Variants in PON1 observed in about 807,000 individuals in gnomAD.
PON1 encodes serum paraoxonase/arylesterase 1.
PON1 carries 37 observed loss-of-function variants against 39.2 expected under a neutral mutation model. The observed-to-expected ratio is 0.94, with a 90% CI of 0.73 to 1.24. The LOEUF is 1.24. PON1 is among the 50% of genes most tolerant of loss of function. The pLI is 0.00. For synonymous variants in PON1, 148 were observed against 152.2 expected (o/e 0.97, Z 0.21); for missense variants, 397 against 413.5 (o/e 0.96, Z 0.35).
chr7:95,322,399 C>T (rs1478702362), intron 1 of PON1, among the ~76,000 whole-genome samples: 7 of 149,872 alleles, frequency 4.7e-5, no homozygotes, highest in East Asian at 1.9e-4. Context: ...CCCTAATTTT[C>T]GGGTGGAGAA....
intron 7 of PON1, among the ~76,000 whole-genome samples, chr7:95,303,268 A>G (rs1807471559): frequency 6.6e-6 from 1 of 152,186 alleles, no homozygotes. Flanking sequence ...AGAGGGCTCA[A>G]GCATCATGGC....
In PON1 at chr7:95,308,079, T is replaced by C. The variant is rs777303791; in HGVS notation, c.630A>G (p.Pro210=). The C allele has an allele frequency of 6.2e-7, 1 of 1,614,092 alleles. No individual in the cohort carries two copies. The highest frequency in any genetic ancestry group is 8.5e-7 in the Non-Finnish European group (1 of 1,180,010). Residue 210 remains proline, a synonymous_variant, in exon 6 of 9, where the codon CCA becomes CCG. Coordinates refer to ENST00000222381, the MANE Select transcript of PON1 (RefSeq NM_000446.7). ...LAWSYVVYYS[P]SEVRVVAEGF... is the part of the protein sequence containing the mutation. Reference sequence around the variant, plus strand: ...CTTCTGCCACCACTCGAACTTCACTTGGACTATAGTAGACAACATACGACC... The same window carrying C: ...CTTCTGCCACCACTCGAACTTCACTCGGACTATAGTAGACAACATACGACC...
Position 95,311,592 on chromosome 7 carries a change from A to G in PON1, c.371-15T>C. 6.2e-7 allele frequency: 1 copy of G among 1,614,012 alleles called. No individual in the cohort carries two copies. The highest frequency in any genetic ancestry group is 8.5e-7 in the Non-Finnish European group (1 of 1,179,926). ...CATGGCATTATCTGAGAGGAGATTA[A>G]AAACAAAAATGAAACATTAACTAAG... On this transcript the variant is annotated splice_polypyrimidine_tract_variant and intron_variant, in intron 4 of 8. Coordinates refer to ENST00000222381, the MANE Select transcript of PON1 (RefSeq NM_000446.7).
chr7:95,306,926 A>C (rs1807553590), intron 6 of PON1, among the ~76,000 whole-genome samples: 1 of 152,030 alleles, frequency 6.6e-6, no homozygotes, highest in African/African-American at 2.4e-5. Context: ...CCCCCCAACA[A>C]AAAAAAGAAA....
intron 4 of PON1, among the ~76,000 whole-genome samples, chr7:95,311,966 C>A (rs1268455636): frequency 6.6e-6 from 1 of 152,100 alleles, no homozygotes; most frequent in East Asian, 1.9e-4. Context: ...GTGTAATTTA[C>A]ACAGTGTGAG....
chr7:95,316,266 GT>G (rs1346235142), intron 3 of PON1, among the ~76,000 whole-genome samples: 2 of 152,140 alleles, frequency 1.3e-5, no homozygotes, highest in African/African-American at 4.8e-5. Context: ...GGTGGATTCT[GT>G]CTTCAAAGCT....
intron 1 of PON1, among the ~76,000 whole-genome samples, chr7:95,321,654 T>C (rs1563601763): frequency 6.6e-6 from 1 of 152,126 alleles, no homozygotes; most frequent in Admixed American, 6.5e-5. Context: ...GAGGGTAGAG[T>C]TGGGATTTGA....
In PON1 at chr7:95,297,947, T is replaced by TAA. The variant is rs1306077359; in HGVS notation, c.*995_*996dup. 1 of 152,206 alleles carries TAA rather than the reference T, an allele frequency of 6.6e-6. No homozygotes were observed. Among genetic ancestry groups the TAA allele is most frequent in the Non-Finnish European group, 1.5e-5 (1 of 68,032 alleles). The allele number at this position is 152,206 out of a possible 1,614,324, so 9.4% of individuals were successfully genotyped here. On this transcript the variant is annotated 3_prime_UTR_variant, in exon 9 of 9. Coordinates refer to ENST00000222381, the MANE Select transcript of PON1 (RefSeq NM_000446.7). ...TATATCAGTTTCTATAACAAAATGA[T>TAA]AAAGTCATGTTTTCTTCCTAGTCAT...
At chr7:95,321,095 T>C (rs1036542328) in intron 1 of PON1, among the ~76,000 whole-genome samples, 10 of 152,160 alleles carry the variant, frequency 6.6e-5, no homozygotes, top group Non-Finnish European at 1.2e-4. Context: ...GATCATGGGA[T>C]GAGAGAGAAT....
intron 8 of PON1, 82 bp downstream of exon 8, chr7:95,302,123 C>CAAAAAA (rs1198986302): frequency 2.2e-6 from 1 of 460,342 alleles, no homozygotes; most frequent in African/African-American, 3.9e-5. Flanking sequence ...AAAAAAAAAC[C>CAAAAAA]AAGAATTGAG....
At chr7:95,312,041 A>G (rs1392603634) in intron 4 of PON1, among the ~76,000 whole-genome samples, 2 of 152,242 alleles carry the variant, frequency 1.3e-5, no homozygotes, top group African/African-American at 2.4e-5. Context: ...GCTTCCTTGG[A>G]TAAGTGGGAC....
intron 4 of PON1, among the ~76,000 whole-genome samples, chr7:95,313,805 G>C (rs192382627): frequency 2.0e-5 from 3 of 152,060 alleles, no homozygotes. Flanking sequence ...AAAAGAAGAA[G>C]AATAATAATA....
chr7:95,303,086 T>C (rs1293685168), intron 7 of PON1, among the ~76,000 whole-genome samples: 1 of 152,172 alleles, frequency 6.6e-6, no homozygotes, highest in East Asian at 1.9e-4. Context: ...AGAAATAATA[T>C]CTACCATGTA....
Position 95,311,522 on chromosome 7 carries a change from C to T in PON1, c.426G>A (p.Glu142=), listed in dbSNP as rs1315183120. 3 of 1,613,958 alleles carry T rather than the reference C, an allele frequency of 1.9e-6. No individual in the cohort carries two copies. The highest frequency in any genetic ancestry group is 2.5e-6 in the Non-Finnish European group (3 of 1,179,844). Residue 142 remains glutamate, a synonymous_variant, in exon 5 of 9, where the codon GAG becomes GAA. Transcript: ENST00000222381. The stretch of plus-strand genomic sequence containing the variant: ...TTTCTTCTTCTTGAAATTTAAACAA[C>T]TCCACTGTGGACTTGGCATCTGGAT... ...VNHPDAKSTV[E]LFKFQEEEKS... is the part of the protein sequence containing the mutation.
At chr7:95,317,091 G>A (rs900881353) in intron 2 of PON1, among the ~76,000 whole-genome samples, 4 of 152,030 alleles carry the variant, frequency 2.6e-5, no homozygotes, top group African/African-American at 7.2e-5. Context: ...TTCACAAAAC[G>A]TACAAAAGCC....
intron 8 of PON1, among the ~76,000 whole-genome samples, chr7:95,299,485 C>G (rs1040574592): frequency 5.9e-5 from 9 of 152,040 alleles, no homozygotes; most frequent in Non-Finnish European, 1.3e-4. Flanking sequence ...AAGTATTGAT[C>G]CTGGGTGTCT....
chr7:95,305,031 G>C (rs911882527), intron 7 of PON1, among the ~76,000 whole-genome samples: 1 of 152,202 alleles, frequency 6.6e-6, no homozygotes, highest in Non-Finnish European at 1.5e-5. Context: ...TAGCCAGTAT[G>C]AGCGTGTGAA....
intron 1 of PON1, 45 bp from the exon 2 acceptor site, chr7:95,318,438 A>G: frequency 6.6e-7 from 1 of 1,523,614 alleles, no homozygotes; most frequent in African/African-American, 1.4e-5. Flanking sequence ...CTATTCAGAA[A>G]TTATAATAAG....
At chr7:95,316,986 A>G (rs1807782589) in intron 2 of PON1, among the ~76,000 whole-genome samples, 197 bp from the exon 3 acceptor site, 1 of 152,224 alleles carries the variant, frequency 6.6e-6, no homozygotes, top group South Asian at 2.1e-4. Context: ...ATTCATTAAC[A>G]AGTTTAATTA....
Sources: gnomAD v4.1 joint callset for allele counts (sites outside exome capture counted in the v4.1 genomes callset) on GRCh38, gnomAD v4.1.1 for gene constraint, MANE v1.5 for transcripts, NCBI Gene and HGNC (gene_info 2026-07-23, HGNC 2026-07-21) for gene names.